SMIM28: variants seen among roughly 807,000 people sequenced by gnomAD.
The protein encoded by SMIM28 is small integral membrane protein 28.
intron 1 of SMIM28, among the ~76,000 whole-genome samples, chr6:138,378,987 C>T (rs200613950): frequency 1.3e-5 from 2 of 151,650 alleles, no homozygotes; most frequent in East Asian, 1.9e-4. Flanking sequence ...AAAACATCCC[C>T]GAACAACAAA....
chr6:138,381,069 AT>A (rs1034372976), intron 1 of SMIM28, among the ~76,000 whole-genome samples: 5 of 151,284 alleles, frequency 3.3e-5, no homozygotes, highest in Admixed American at 1.3e-4. Flanking sequence ...CGCCCTGCTA[AT>A]TTTTTTTGTA....
intron 1 of SMIM28, among the ~76,000 whole-genome samples, chr6:138,380,094 A>C (rs1774295641): frequency 6.6e-6 from 1 of 152,212 alleles, no homozygotes; most frequent in African/African-American, 2.4e-5. Context: ...ATATATAAGT[A>C]CTATCACCAA....
At chr6:138,381,484 T>C (rs907663194) in intron 1 of SMIM28, among the ~76,000 whole-genome samples, 1 of 152,228 alleles carries the variant, frequency 6.6e-6, no homozygotes, top group Admixed American at 6.5e-5. Flanking sequence ...GTATTATTTA[T>C]GCCATCAGGA....
In SMIM28 at chr6:138,377,960, C is replaced by G. The variant is rs142174448; in HGVS notation, c.-113C>G. On this transcript the variant is annotated 5_prime_UTR_variant, in exon 1 of 2. Transcript: ENST00000573100. ...GCCATTCATCAGAGGACGAGTTTAC[C>G]AACAGCCATCAGCCAAGCACATCCA... The G allele has an allele frequency of 2.5e-6, 1 of 396,830 alleles. No individual in the cohort carries two copies. Among genetic ancestry groups the G allele is most frequent in the Non-Finnish European group, 4.4e-6 (1 of 225,490 alleles). 24.6% of individuals were successfully genotyped at this position (396,830 alleles called of 1,614,324 possible).
At chr6:138,379,963 A>C (rs905861437) in intron 1 of SMIM28, among the ~76,000 whole-genome samples, 8 of 152,206 alleles carry the variant, frequency 5.3e-5, no homozygotes, top group Admixed American at 3.9e-4. Context: ...ATTTATTAAA[A>C]TATAAATTTA....
chr6:138,380,599 G>A (rs1308436713), intron 1 of SMIM28, among the ~76,000 whole-genome samples: 1 of 151,878 alleles, frequency 6.6e-6, no homozygotes, highest in Non-Finnish European at 1.5e-5. Flanking sequence ...AACCCCGTCT[G>A]TACTAAAAAT....
chr6:138,378,266 C>T, intron 1 of SMIM28, 83 bp downstream of exon 1: 1 of 397,376 alleles, frequency 2.5e-6, no homozygotes, highest in Non-Finnish European at 4.4e-6. Flanking sequence ...GTTTTAGGAT[C>T]ATAAAATGTA....
intron 1 of SMIM28, among the ~76,000 whole-genome samples, chr6:138,378,589 T>C (rs1345988076): frequency 6.6e-6 from 1 of 152,182 alleles, no homozygotes; most frequent in East Asian, 1.9e-4. Context: ...TGTTTTTAAG[T>C]GTTAGCAGAA....
In SMIM28 at chr6:138,383,004, C is replaced by T; in HGVS notation, c.*157C>T. 2.5e-6 allele frequency: 1 copy of T among 394,936 alleles called. No homozygotes were observed. The highest frequency in any genetic ancestry group is 4.5e-6 in the Non-Finnish European group (1 of 224,312). The allele number at this position is 394,936 out of a possible 1,614,324, so 24.5% of individuals were successfully genotyped here. Reference sequence around the variant, plus strand: ...CATTGGCCAACCTCTGACAATGGGGCACTTCAGGCTGAGGGCAAAGCTTGG... The same window carrying T: ...CATTGGCCAACCTCTGACAATGGGGTACTTCAGGCTGAGGGCAAAGCTTGG... On this transcript the variant is annotated 3_prime_UTR_variant, in exon 2 of 2. Coordinates refer to ENST00000573100, the MANE Select transcript of SMIM28 (RefSeq NM_001368163.3).
chr6:138,378,110 G>T lies in SMIM28; in HGVS notation c.38G>T (p.Gly13Val). ...GLLGSSWKKFGHAGRGTYEWL... is the reference protein window; with the variant it reads ...GLLGSSWKKFVHAGRGTYEWL... ...CTGGGCAGCAGCTGGAAGAAGTTTG[G>T]ACATGCTGGCCGGGGGACATATGAG... The change falls in exon 1 of 2, where the codon GGA becomes GTA. Residue 13 changes from glycine (G) to valine (V), a missense_variant. Transcript: ENST00000573100. The T allele has an allele frequency of 2.5e-6, 1 of 398,748 alleles. No individual in the cohort carries two copies. Among genetic ancestry groups the T allele is most frequent in the Non-Finnish European group, 4.4e-6 (1 of 226,172 alleles). 24.7% of individuals were successfully genotyped at this position (398,748 alleles called of 1,614,324 possible).
chr6:138,381,995 T>C (rs1055236299), intron 1 of SMIM28, among the ~76,000 whole-genome samples: 5 of 152,238 alleles, frequency 3.3e-5, no homozygotes, highest in African/African-American at 4.8e-5. Context: ...TTAATATTAT[T>C]TCATATAGGC....
chr6:138,381,022 C>T (rs1399047680), intron 1 of SMIM28, among the ~76,000 whole-genome samples: 2 of 151,860 alleles, frequency 1.3e-5, no homozygotes, highest in Non-Finnish European at 2.9e-5. Context: ...CTTGCCTCAG[C>T]CTCCCCAGTA....
intron 1 of SMIM28, among the ~76,000 whole-genome samples, chr6:138,378,601 C>A (rs1774282139): frequency 6.6e-6 from 1 of 152,144 alleles, no homozygotes; most frequent in Non-Finnish European, 1.5e-5. Flanking sequence ...TTAGCAGAAA[C>A]CATGCATCTT....
In SMIM28 at chr6:138,383,225, C is replaced by A. The variant is rs1301473072; in HGVS notation, c.*378C>A. ...AGGCTCTGAAGGGCAAGAAAAAAAACTCTGGACCAGCCAAAGGTAACTACT... is the reference window on the plus strand; with the variant it reads ...AGGCTCTGAAGGGCAAGAAAAAAAAATCTGGACCAGCCAAAGGTAACTACT... On this transcript the variant is annotated 3_prime_UTR_variant, in exon 2 of 2. Coordinates refer to ENST00000573100, the MANE Select transcript of SMIM28 (RefSeq NM_001368163.3). The A allele has an allele frequency of 1.3e-5, 2 of 156,720 alleles. No individual in the cohort carries two copies. The highest frequency in any genetic ancestry group is 6.5e-5 in the Admixed American group (1 of 15,356). The allele number at this position is 156,720 out of a possible 1,614,324, so 9.7% of individuals were successfully genotyped here.
chr6:138,379,361 A>T (rs1562232078), intron 1 of SMIM28, among the ~76,000 whole-genome samples: 1 of 152,214 alleles, frequency 6.6e-6, no homozygotes, highest in Admixed American at 6.5e-5. Context: ...TTTTGCAACT[A>T]GTATTGAGAA....
At chr6:138,380,837 CAT>C (rs1774304255) in intron 1 of SMIM28, among the ~76,000 whole-genome samples, 1 of 151,922 alleles carries the variant, frequency 6.6e-6, no homozygotes, top group Non-Finnish European at 1.5e-5. Flanking sequence ...ACCTGCAAAA[CAT>C]GTGTCCTTTC....
In SMIM28 at chr6:138,380,913, T is replaced by G. The variant is rs1329438907; in HGVS notation, c.112-1587T>G. 1.2e-4 allele frequency among the ~76,000 whole-genome samples: 19 copies of G among 152,028 alleles called. No individual in the cohort carries two copies. In the South Asian group the frequency reaches 2.3e-3, roughly 18 times the overall value. Reference sequence around the variant, plus strand: ...ATGAGGGTTTTTTTTGTGTGTGTTTTTTTTTTTGAGACGGAGTCTCACTTT... The same window carrying G: ...ATGAGGGTTTTTTTTGTGTGTGTTTGTTTTTTTGAGACGGAGTCTCACTTT... On this transcript the variant is annotated intron_variant, in intron 1 of 1. Transcript: ENST00000573100.
chr6:138,378,711 C>T (rs566540580), intron 1 of SMIM28, among the ~76,000 whole-genome samples: 4 of 152,014 alleles, frequency 2.6e-5, no homozygotes, highest in Non-Finnish European at 5.9e-5. Flanking sequence ...GTGCAGTCTC[C>T]GTAGGAAGCA....
chr6:138,378,313 G>A lies in SMIM28; in HGVS notation c.111+130G>A, dbSNP rs566206742. On this transcript the variant is annotated intron_variant, in intron 1 of 1. Coordinates refer to ENST00000573100, the MANE Select transcript of SMIM28 (RefSeq NM_001368163.3). ...TTGTCTTACAGCTATAACAAAAATAGGAATTCACTGATTGGCATGGTCTAA... is the reference window on the plus strand; with the variant it reads ...TTGTCTTACAGCTATAACAAAAATAAGAATTCACTGATTGGCATGGTCTAA... 327 of 395,266 alleles carry A rather than the reference G, an allele frequency of 8.3e-4. 3 individuals carry two copies. Among genetic ancestry groups the A allele is most frequent in the Middle Eastern group, 8.3e-3 (13 of 1,574 alleles). The allele number at this position is 395,266 out of a possible 1,614,324, so 24.5% of individuals were successfully genotyped here.
Sources: allele counts gnomAD v4.1 joint callset (sites outside exome capture counted in the v4.1 genomes callset), GRCh38; gene constraint gnomAD v4.1.1; transcripts MANE v1.5; gene names NCBI Gene and HGNC (gene_info 2026-07-23, HGNC 2026-07-21).